Variants in TGM1 observed in about 807,000 individuals in gnomAD.
TGM1 encodes the protein protein-glutamine gamma-glutamyltransferase K.
A neutral mutation model predicts 88.7 loss-of-function variants in TGM1; 63 were observed. The observed-to-expected ratio is 0.71, with a 90% CI of 0.58 to 0.88. The LOEUF is 0.88. TGM1 is among the 40% of genes least tolerant of loss of function. The probability of loss-of-function intolerance (pLI) is 0.00; values close to 1 mark genes in which losing one functional copy is unlikely to be tolerated. For synonymous variants in TGM1, 415 were observed against 431.1 expected (o/e 0.96, Z 0.46); for missense variants, 996 against 1,118.0 (o/e 0.89, Z 1.56).
intron 14 of TGM1, among the ~76,000 whole-genome samples, chr14:24,250,528 C>CGAG (rs2040693200): frequency 6.6e-6 from 1 of 152,082 alleles, no homozygotes; most frequent in African/African-American, 2.4e-5. Context: ...GCAGCCCTAC[C>CGAG]GAATGCCTTC....
At position 24,255,160 on chromosome 14, in the gene TGM1, GC is replaced by G; in HGVS notation, c.1738del (p.Ala580ProfsTer10). ...YANRGSAEDV[A>X]MQVEAQDAVM... ...CGCGTCCTGTGCCTCCACCTGCATGGCCACATCCTCCGCTGAGCCCCGGTTG... is the reference window on the plus strand; with the variant it reads ...CGCGTCCTGTGCCTCCACCTGCATGGCACATCCTCCGCTGAGCCCCGGTTG... On this transcript the variant is annotated frameshift_variant, in exon 12 of 15. Coordinates refer to ENST00000206765, the MANE Select transcript of TGM1 (RefSeq NM_000359.3). LOFTEE classifies it high-confidence loss of function. This position sits in a 1 kb window ranked among gnomAD's most constrained non-coding sequence, Gnocchi z 4.0. 6.2e-7 allele frequency: 1 copy of G among 1,614,058 alleles called. No homozygotes were observed. Among genetic ancestry groups the G allele is most frequent in the Non-Finnish European group, 8.5e-7 (1 of 1,180,040 alleles).
chr14:24,261,931 GCCCTTATCATT>G, intron 2 of TGM1, 48 bp from the exon 3 acceptor site: 1 of 1,610,500 alleles, frequency 6.2e-7, no homozygotes, highest in South Asian at 1.1e-5. Flanking sequence ...AGGAGCCCAG[GCCCTTATCATT>G]AGCTTCCTAT....
At chr14:24,257,253 T>A (rs903754845) in intron 9 of TGM1, among the ~76,000 whole-genome samples, 4 of 152,118 alleles carry the variant, frequency 2.6e-5, no homozygotes, top group Non-Finnish European at 4.4e-5. Flanking sequence ...GGGAGGACTC[T>A]CTGACCTGGG....
In TGM1 at chr14:24,258,615, G is replaced by A; in HGVS notation, c.1218C>T (p.Asp406=). 1.2e-6 allele frequency: 2 copies of A among 1,614,254 alleles called. No homozygotes were observed. Among genetic ancestry groups the A allele is most frequent in the Non-Finnish European group, 1.7e-6 (2 of 1,180,044 alleles). The change falls in exon 8 of 15, where the codon GAC becomes GAT. Residue 406 remains aspartate, a synonymous_variant. Coordinates refer to ENST00000206765, the MANE Select transcript of TGM1 (RefSeq NM_000359.3). ...TGTCCATGGTAAGGGATGTGTCTGT[G>A]TCGTGGGCGGAGTTGAAGTTGGTGA... The part of the protein sequence containing the change: ...RTVTNFNSAH[D]TDTSLTMDIY...
chr14:24,257,841 G>A (rs2040768213), intron 9 of TGM1, among the ~76,000 whole-genome samples: 1 of 152,106 alleles, frequency 6.6e-6, no homozygotes, highest in African/African-American at 2.4e-5. Context: ...AGAGAGAATA[G>A]GGAAGCTTTA....
intron 14 of TGM1, among the ~76,000 whole-genome samples, chr14:24,250,556 C>A (rs2139015008): frequency 6.6e-6 from 1 of 152,148 alleles, no homozygotes; most frequent in East Asian, 1.9e-4. Flanking sequence ...GACTCACCTC[C>A]ACAGTCATGC....
chr14:24,254,050 G>A, intron 14 of TGM1, 102 bp downstream of exon 14: 1 of 1,516,164 alleles, frequency 6.6e-7, no homozygotes. Context: ...GGTCCTGACA[G>A]AACATACTTG....
chr14:24,260,592 C>G lies in TGM1; in HGVS notation c.615G>C (p.Leu205=), dbSNP rs947263481. ...TGGGGGAAGTGTGGACCCGCAGGTT[C>G]AGATTCTGCCCACTGGCCTTGACCA... ...AQVVKASGQN[L]NLRVHTSPNA... Residue 205 remains leucine, a synonymous_variant, in exon 4 of 15, where the codon CTG becomes CTC. Transcript: ENST00000206765. 4 of 1,614,218 alleles carry G rather than the reference C, an allele frequency of 2.5e-6. No individual in the cohort carries two copies. Among genetic ancestry groups the G allele is most frequent in the Non-Finnish European group, 3.4e-6 (4 of 1,180,028 alleles).
At chr14:24,254,425 T>A in intron 13 of TGM1, 137 bp from the exon 14 acceptor site, 1 of 1,396,014 alleles carries the variant, frequency 7.2e-7, no homozygotes, top group African/African-American at 1.4e-5. Flanking sequence ...TGAGAGAAGA[T>A]TCCCCAGAAG....
intron 14 of TGM1, 151 bp downstream of exon 14, chr14:24,254,001 C>A: frequency 9.5e-7 from 1 of 1,052,242 alleles, no homozygotes; most frequent in Non-Finnish European, 1.4e-6. Context: ...CTGAGCTGGG[C>A]CGGGAGGTAT....
chr14:24,260,551 T>C lies in TGM1; in HGVS notation c.656A>G (p.Lys219Arg). ...TTGTGTGCGGACTGTGAACTGAAAC[T>C]TGCCGATGATGGCGTTGGGGGAAGT... is the stretch of plus-strand genomic sequence containing the variant. Reference protein sequence around the residue: ...VHTSPNAIIGKFQFTVRTQSD... With the variant: ...VHTSPNAIIGRFQFTVRTQSD... Residue 219 changes from lysine (K) to arginine (R), a missense_variant, in exon 4 of 15, where the codon AAG (lysine) becomes AGG (arginine). Physicochemically the swap from Lys to Arg is conservative, Grantham distance 26 (BLOSUM62 2). Coordinates refer to ENST00000206765, the MANE Select transcript of TGM1 (RefSeq NM_000359.3). 2 of 1,614,188 alleles carry C rather than the reference T, an allele frequency of 1.2e-6. No homozygotes were observed. Among genetic ancestry groups the C allele is most frequent in the East Asian group, 4.5e-5 (2 of 44,868 alleles).
Position 24,254,732 on chromosome 14 carries a change from T to G in TGM1, c.2020A>C (p.Lys674Gln). 1.2e-6 allele frequency: 2 copies of G among 1,614,062 alleles called. No individual in the cohort carries two copies. The highest frequency in any genetic ancestry group is 1.7e-6 in the Non-Finnish European group (2 of 1,180,034). Residue 674 changes from lysine (K) to glutamine (Q), a missense_variant, in exon 13 of 15, where the codon AAG (lysine) becomes CAG (glutamine). By Grantham distance (53) the Lys-to-Gln change is moderately conservative. Coordinates refer to ENST00000206765, the MANE Select transcript of TGM1 (RefSeq NM_000359.3). ...AMLLNVSGHV[K>Q]ESGQVLAKQH... Reference sequence around the variant, plus strand: ...TTGGCCAGCACCTGCCCGCTCTCCTTGACGTGGCCTGAGACATTGAGCAGC... The same window carrying G: ...TTGGCCAGCACCTGCCCGCTCTCCTGGACGTGGCCTGAGACATTGAGCAGC...
chr14:24,250,175 T>TGA (rs1484857686), intron 14 of TGM1, among the ~76,000 whole-genome samples: 11 of 52,396 alleles, frequency 2.1e-4, no homozygotes, highest in South Asian at 2.0e-3. Flanking sequence ...TGTGTGTGTG[T>TGA]GTGTGAGAGA....
intron 14 of TGM1, among the ~76,000 whole-genome samples, chr14:24,252,695 A>G (rs2748531): frequency 0.88 from 134,488 of 152,200 alleles, 59,488 homozygotes; most frequent in East Asian, 0.92. Flanking sequence ...CGAAGGTGGC[A>G]GCCACCACCA....
intron 1 of TGM1, 35 bp from the exon 2 acceptor site, chr14:24,262,389 G>A: frequency 1.9e-6 from 3 of 1,608,166 alleles, no homozygotes; most frequent in Non-Finnish European, 2.5e-6. Flanking sequence ...CCTTAACCCA[G>A]GTAGTCCCAG....
Position 24,249,470 on chromosome 14 carries a change from A to G in TGM1, c.2297T>C (p.Leu766Pro). ...FVPVRPGPRQ[L>P]IASLDSPQLS... is the part of the protein sequence containing the mutation. ...CTGTGGGCTGTCCAAGCTGGCAATG[A>G]GCTGGCGGGGGCCTGGTCGCACAGG... Residue 766 changes from leucine (L) to proline (P), a missense_variant, in exon 15 of 15, where the codon CTC (leucine) becomes CCC (proline). Coordinates refer to ENST00000206765, the MANE Select transcript of TGM1 (RefSeq NM_000359.3). The G allele has an allele frequency of 6.2e-7, 1 of 1,614,076 alleles. No individual in the cohort carries two copies. Among genetic ancestry groups the G allele is most frequent in the Non-Finnish European group, 8.5e-7 (1 of 1,180,014 alleles).
rs2855103 is a variant in TGM1, at chr14:24,261,692, G to C, written c.508+3C>G. On this transcript the variant is annotated splice_donor_region_variant and intron_variant, in intron 3 of 14. Transcript: ENST00000206765. ...CACCCGTCCCAATCCAAGCCCCACT[G>C]ACCGATGAGTAACTCAAGGGTGATG... The C allele has an allele frequency of 6.2e-7, 1 of 1,614,028 alleles. No individual in the cohort carries two copies. Among genetic ancestry groups the C allele is most frequent in the Non-Finnish European group, 8.5e-7 (1 of 1,179,976 alleles).
Position 24,259,381 on chromosome 14 carries a change from C to T in TGM1, c.985-132G>A, listed in dbSNP as rs2040785580. ...CCTAAATGCCTCAGGATCCAGACACCAGCCTGAGCTCCACCCAGCCCTTCC... is the reference window on the plus strand; with the variant it reads ...CCTAAATGCCTCAGGATCCAGACACTAGCCTGAGCTCCACCCAGCCCTTCC... On this transcript the variant is annotated intron_variant, in intron 6 of 14. Coordinates refer to ENST00000206765, the MANE Select transcript of TGM1 (RefSeq NM_000359.3). This position sits in a 1 kb window ranked among gnomAD's most constrained non-coding sequence, Gnocchi z 5.7. 2.2e-6 allele frequency: 2 copies of T among 893,568 alleles called. No individual in the cohort carries two copies. Among genetic ancestry groups the T allele is most frequent in the African/African-American group, 1.6e-5 (1 of 60,712 alleles). 55.4% of individuals were successfully genotyped at this position (893,568 alleles called of 1,614,324 possible). A position where few individuals can be genotyped will look rare whatever the true frequency, so the allele number is the denominator to read the frequency against.
At position 24,254,786 on chromosome 14, in the gene TGM1, G is replaced by A. The variant is rs144318024; in HGVS notation, c.1966C>T (p.Arg656Trp). Residue 656 changes from arginine (R) to tryptophan (W), a missense_variant, in exon 13 of 15, where the codon CGG becomes TGG. Arg to Trp is a moderately radical substitution (Grantham distance 101). Transcript: ENST00000206765. ...GCCCCCTGGTCCACAAGATGGGGCCGGTATTCCTTGTAGGCCACTGGCATG... is the reference window on the plus strand; with the variant it reads ...GCCCCCTGGTCCACAAGATGGGGCCAGTATTCCTTGTAGGCCACTGGCATG... ...VTMPVAYKEY[R>W]PHLVDQGAML... The A allele has an allele frequency of 4.4e-5, 71 of 1,613,960 alleles. No homozygotes were observed. Among genetic ancestry groups the A allele is most frequent in the Non-Finnish European group, 5.7e-5 (67 of 1,180,026 alleles).
Sources: allele counts gnomAD v4.1 joint callset (sites outside exome capture counted in the v4.1 genomes callset), GRCh38; gene constraint gnomAD v4.1.1; non-coding constraint Gnocchi (gnomAD v3.1); transcripts MANE v1.5; gene names NCBI Gene and HGNC (gene_info 2026-07-23, HGNC 2026-07-21).